The following GRIN2A variants were observed in gnomAD, a reference collection of about 807,000 sequenced individuals.
GRIN2A encodes the protein glutamate receptor ionotropic, NMDA 2A.
Under a neutral mutation model 113.4 loss-of-function variants are expected in GRIN2A, and 22 were observed. That is an observed-to-expected ratio of 0.19 (90% confidence interval 0.14 to 0.28). GRIN2A has a LOEUF of 0.28. GRIN2A is among the 10% of genes least tolerant of loss of function. The probability of loss-of-function intolerance (pLI) is 1.00; values close to 1 mark genes in which losing one functional copy is unlikely to be tolerated. For missense variants in GRIN2A, 1,502 were observed against 1,887.0 expected, an observed-to-expected ratio of 0.80 and a Z score of 3.78; for synonymous variants, 827 against 738.4, an observed-to-expected ratio of 1.12 and a Z score of -1.94.
At chr16:10,049,761 T>C (rs1007696984) in intron 2 of GRIN2A, among the ~76,000 whole-genome samples, 2 of 152,220 alleles carry the variant, frequency 1.3e-5, no homozygotes, top group South Asian at 2.1e-4. Context: ...CATTATATAA[T>C]GAATTGTTTG....
chr16:9,763,858 G>A lies in GRIN2A; in HGVS notation c.3686C>T (p.Thr1229Ile), dbSNP rs1312451714. The A allele has an allele frequency of 6.2e-7, 1 of 1,614,142 alleles. No individual in the cohort carries two copies. The highest frequency in any genetic ancestry group is 8.5e-7 in the Non-Finnish European group (1 of 1,180,014). Residue 1229 changes from threonine (T) to isoleucine (I), a missense_variant, in exon 13 of 13, where the codon ACC becomes ATC. Physicochemically the swap from Thr to Ile is moderately conservative, Grantham distance 89 (BLOSUM62 -1). Transcript: ENST00000330684. The stretch of plus-strand genomic sequence containing the variant: ...ATCGCACTTGAAGGGGGACCTCATG[G>A]TGAAGTGGCCTGAATAGGTGGGCAT... ...SNMPTYSGHFTMRSPFKCDAC... is the reference protein window; with the variant it reads ...SNMPTYSGHFIMRSPFKCDAC...
chr16:9,806,314 T>C (rs2041965241), intron 10 of GRIN2A, among the ~76,000 whole-genome samples: 1 of 152,218 alleles, frequency 6.6e-6, no homozygotes, highest in Admixed American at 6.5e-5. Context: ...GGGTCAAAAT[T>C]GTACAGAGAT....
intron 2 of GRIN2A, among the ~76,000 whole-genome samples, chr16:9,941,636 C>T (rs894015426): frequency 2.6e-5 from 4 of 152,174 alleles, no homozygotes; most frequent in Admixed American, 6.5e-5. Context: ...GGTTGGACTA[C>T]CCAGCTCCAA....
At chr16:10,128,018 A>C (rs2048981697) in intron 2 of GRIN2A, among the ~76,000 whole-genome samples, 1 of 152,164 alleles carries the variant, frequency 6.6e-6, no homozygotes, top group Non-Finnish European at 1.5e-5. Context: ...AAGGTCACCC[A>C]TATAAGAACT....
chr16:9,934,725 T>C (rs1182620042), intron 3 of GRIN2A, among the ~76,000 whole-genome samples: 1 of 151,036 alleles, frequency 6.6e-6, no homozygotes, highest in Admixed American at 6.6e-5. Context: ...ATCCTTTTTG[T>C]TTTTTTGTTT....
intron 2 of GRIN2A, among the ~76,000 whole-genome samples, chr16:10,018,286 G>A (rs141464126): frequency 3.1e-4 from 47 of 152,306 alleles, no homozygotes; most frequent in Non-Finnish European, 6.2e-4. Context: ...AGTGGTGGGT[G>A]TTATAAGAAT....
At chr16:9,797,632 A>T (rs1215097586) in intron 11 of GRIN2A, among the ~76,000 whole-genome samples, 1 of 152,196 alleles carries the variant, frequency 6.6e-6, no homozygotes, top group Non-Finnish European at 1.5e-5. Context: ...TAAGTCTAGG[A>T]AAGAGTCTTT....
intron 8 of GRIN2A, among the ~76,000 whole-genome samples, chr16:9,830,511 GC>G (rs2042472797): frequency 6.7e-6 from 1 of 149,578 alleles, no homozygotes; most frequent in African/African-American, 2.5e-5. Context: ...ATCAACTGAT[GC>G]CCTAATTTCA....
chr16:10,073,548 A>G (rs1037656040), intron 2 of GRIN2A, among the ~76,000 whole-genome samples: 2 of 152,178 alleles, frequency 1.3e-5, no homozygotes, highest in African/African-American at 4.8e-5. Context: ...CCAGTACAGC[A>G]TTAAGAAATT....
chr16:9,967,199 C>T (rs942072537), intron 2 of GRIN2A, among the ~76,000 whole-genome samples: 2 of 152,134 alleles, frequency 1.3e-5, no homozygotes, highest in African/African-American at 4.8e-5. Context: ...AACCTAAGTG[C>T]CCATCAGCCA....
chr16:10,077,836 T>G (rs2047904918), intron 2 of GRIN2A, among the ~76,000 whole-genome samples: 1 of 152,154 alleles, frequency 6.6e-6, no homozygotes, highest in South Asian at 2.1e-4. Flanking sequence ...TTTAGGGTCT[T>G]TATCCAAATA....
In GRIN2A at chr16:9,754,827, C is replaced by T; in HGVS notation, c.*8322G>A. The T allele has an allele frequency of 4.5e-6, 1 of 222,718 alleles. No homozygotes were observed. The highest frequency in any genetic ancestry group is 9.0e-6 in the Non-Finnish European group (1 of 111,454). The allele number at this position is 222,718 out of a possible 1,614,324, so 13.8% of individuals were successfully genotyped here. ...GTTTTCGTATTTCTGGATCTTCGCT[C>T]TTTGCTCAGTTATCAATAGTCTTTG... On this transcript the variant is annotated 3_prime_UTR_variant, in exon 13 of 13. Coordinates refer to ENST00000330684, the MANE Select transcript of GRIN2A (RefSeq NM_001134407.3).
intron 2 of GRIN2A, among the ~76,000 whole-genome samples, chr16:10,065,389 T>A (rs1362205035): frequency 6.6e-6 from 1 of 152,238 alleles, no homozygotes; most frequent in East Asian, 1.9e-4. Flanking sequence ...ACGATTTTCT[T>A]TCTCTATCTA....
intron 4 of GRIN2A, among the ~76,000 whole-genome samples, chr16:9,853,176 G>A (rs192201304): frequency 6.6e-6 from 1 of 152,206 alleles, no homozygotes; most frequent in African/African-American, 2.4e-5. Context: ...GAGAAGGAAA[G>A]AGCACTCCAG....
At chr16:10,085,951 C>A (rs1357577811) in intron 2 of GRIN2A, among the ~76,000 whole-genome samples, 1 of 152,080 alleles carries the variant, frequency 6.6e-6, no homozygotes, top group Non-Finnish European at 1.5e-5. Context: ...AGTTAATTAA[C>A]AAACAAAAAA....
intron 2 of GRIN2A, among the ~76,000 whole-genome samples, chr16:9,945,239 G>C (rs2044990094): frequency 6.6e-6 from 1 of 152,072 alleles, no homozygotes; most frequent in African/African-American, 2.4e-5. Flanking sequence ...GGGGTGGAGA[G>C]AGGAGCCCCA....
intron 2 of GRIN2A, among the ~76,000 whole-genome samples, chr16:10,132,124 G>A (rs1051969204): frequency 1.3e-5 from 2 of 152,048 alleles, no homozygotes; most frequent in African/African-American, 4.8e-5. Flanking sequence ...TTGAAGTCAG[G>A]AATTCAAGGC....
rs2044774386 is a variant in GRIN2A, at chr16:9,938,560, GA to G, written c.415-10del. On this transcript the variant is annotated splice_polypyrimidine_tract_variant and intron_variant, in intron 2 of 12. Transcript: ENST00000330684. ...AAGGTAGACGTCGGATCCTGCCAGT[GA>G]AAAGAAAGTAAAACAGAGGATGAGG... 6.3e-7 allele frequency: 1 copy of G among 1,595,742 alleles called. No homozygotes were observed. Among genetic ancestry groups the G allele is most frequent in the Admixed American group, 1.7e-5 (1 of 59,998 alleles).
At chr16:9,846,819 C>A (rs1027308084) in intron 5 of GRIN2A, among the ~76,000 whole-genome samples, 5 of 152,126 alleles carry the variant, frequency 3.3e-5, no homozygotes, top group African/African-American at 1.2e-4. Context: ...ACTCAGAAAA[C>A]AAATAAAGTT....
Sources: gnomAD v4.1 joint callset for allele counts (sites outside exome capture counted in the v4.1 genomes callset) on GRCh38, gnomAD v4.1.1 for gene constraint, MANE v1.5 for transcripts, NCBI Gene and HGNC (gene_info 2026-07-23, HGNC 2026-07-21) for gene names.